CNTN5: variants seen among roughly 807,000 people sequenced by gnomAD.
CNTN5 encodes the protein contactin 5.
Under a neutral mutation model 129.1 loss-of-function variants are expected in CNTN5, and 77 were observed. The observed-to-expected ratio is 0.60, with a 90% CI of 0.50 to 0.72. The LOEUF (loss-of-function observed/expected upper bound fraction) is 0.72, where lower values mean the gene tolerates loss of function less well. Ranked by LOEUF, CNTN5 falls within the 30% of genes least tolerant of loss-of-function variation. The probability of loss-of-function intolerance (pLI) is 0.00; values close to 1 mark genes in which losing one functional copy is unlikely to be tolerated. For missense variants in CNTN5, 1,478 were observed against 1,328.8 expected, an observed-to-expected ratio of 1.11 and a Z score of -1.75; for synonymous variants, 509 against 465.6, an observed-to-expected ratio of 1.09 and a Z score of -1.20.
chr11:99,930,811 A>ACG, intron 7 of CNTN5, among the ~76,000 whole-genome samples: 1 of 151,812 alleles, frequency 6.6e-6, no homozygotes, highest in Admixed American at 6.6e-5. Context: ...ACACACACAC[A>ACG]CACACACATT....
intron 1 of CNTN5, among the ~76,000 whole-genome samples, chr11:99,193,283 G>A (rs1324620131): frequency 6.6e-6 from 1 of 151,964 alleles, no homozygotes; most frequent in Non-Finnish European, 1.5e-5. Context: ...GAAAGAAAAA[G>A]CCACAGCAAC....
At chr11:99,039,073 T>C (rs1863877400) in intron 1 of CNTN5, among the ~76,000 whole-genome samples, 1 of 152,118 alleles carries the variant, frequency 6.6e-6, no homozygotes, top group Non-Finnish European at 1.5e-5. Flanking sequence ...AAAAGACTTG[T>C]TTTCAAATTA....
intron 3 of CNTN5, among the ~76,000 whole-genome samples, chr11:99,784,796 T>TC (rs1555110510): frequency 6.2e-5 from 2 of 32,054 alleles, no homozygotes; most frequent in African/African-American, 1.5e-4. Context: ...TCTCATTGTG[T>TC]TTTTTTTTTT....
chr11:99,607,843 C>T (rs1291616518), intron 3 of CNTN5, among the ~76,000 whole-genome samples: 9 of 129,912 alleles, frequency 6.9e-5, no homozygotes, highest in African/African-American at 2.0e-4. Context: ...AGTAAACTAT[C>T]GCAAGAACAA....
At chr11:99,521,517 T>A (rs1416914881) in intron 2 of CNTN5, among the ~76,000 whole-genome samples, 2 of 152,206 alleles carry the variant, frequency 1.3e-5, no homozygotes, top group African/African-American at 2.4e-5. Flanking sequence ...TTGCATTCAC[T>A]AGGTACAAAT....
At chr11:99,225,126 C>T (rs776077245) in intron 1 of CNTN5, among the ~76,000 whole-genome samples, 6 of 151,820 alleles carry the variant, frequency 4.0e-5, no homozygotes, top group African/African-American at 9.7e-5. Flanking sequence ...TTAAAGAGAA[C>T]GAGCACAAAT....
At chr11:99,823,078 C>T (rs191534684) in intron 4 of CNTN5, among the ~76,000 whole-genome samples, 4 of 152,166 alleles carry the variant, frequency 2.6e-5, no homozygotes, top group African/African-American at 2.4e-5. Context: ...TGAGTTTACA[C>T]GTGTATCCGT....
At chr11:99,360,505 G>A (rs1444305001) in intron 2 of CNTN5, among the ~76,000 whole-genome samples, 1 of 152,156 alleles carries the variant, frequency 6.6e-6, no homozygotes, top group African/African-American at 2.4e-5. Context: ...CAGTGGAGAT[G>A]GCACCACACA....
At chr11:99,858,816 G>A (rs997510135) in intron 6 of CNTN5, among the ~76,000 whole-genome samples, 2 of 151,588 alleles carry the variant, frequency 1.3e-5, no homozygotes, top group Non-Finnish European at 2.9e-5. Flanking sequence ...AAAAATGTCA[G>A]ACATTTAGAT....
chr11:99,764,077 G>T (rs1944674230), intron 3 of CNTN5, among the ~76,000 whole-genome samples: 1 of 151,986 alleles, frequency 6.6e-6, no homozygotes, highest in Non-Finnish European at 1.5e-5. Context: ...CATTTCTGTT[G>T]TAAAAATTTA....
At chr11:100,259,272 A>G in intron 17 of CNTN5, among the ~76,000 whole-genome samples, 1 of 152,312 alleles carries the variant, frequency 6.6e-6, no homozygotes, top group South Asian at 2.1e-4. Flanking sequence ...TGCACCCAAT[A>G]CAGGAGCACC....
intron 2 of CNTN5, among the ~76,000 whole-genome samples, chr11:99,532,713 T>C (rs1008040337): frequency 3.9e-5 from 6 of 152,140 alleles, no homozygotes; most frequent in Admixed American, 2.0e-4. Flanking sequence ...TCTTCCTCAT[T>C]CTCTCTTGCT....
chr11:99,042,261 C>CT (rs1864013686), intron 1 of CNTN5, among the ~76,000 whole-genome samples: 1 of 151,400 alleles, frequency 6.6e-6, no homozygotes. Context: ...GCAGAAATAC[C>CT]TAACGTAGAT....
intron 13 of CNTN5, among the ~76,000 whole-genome samples, chr11:100,080,730 G>A (rs891721602): frequency 5.3e-5 from 8 of 152,110 alleles, no homozygotes; most frequent in East Asian, 3.9e-4. Context: ...TATTAAGAAC[G>A]TAAAACAATA....
intron 1 of CNTN5, among the ~76,000 whole-genome samples, chr11:99,151,350 T>C (rs1474411861): frequency 6.6e-6 from 1 of 152,158 alleles, no homozygotes; most frequent in Non-Finnish European, 1.5e-5. Flanking sequence ...AGAGGATTAT[T>C]CTTTAAATCA....
intron 1 of CNTN5, among the ~76,000 whole-genome samples, chr11:99,157,717 G>T (rs1168695633): frequency 6.6e-6 from 1 of 152,096 alleles, no homozygotes; most frequent in Non-Finnish European, 1.5e-5. Flanking sequence ...TTCTCAGTAT[G>T]ATTAGCTTGA....
intron 3 of CNTN5, among the ~76,000 whole-genome samples, chr11:99,809,815 ACT>A (rs1180081709): frequency 6.6e-6 from 1 of 152,206 alleles, no homozygotes; most frequent in African/African-American, 2.4e-5. Context: ...GTTATAAAAT[ACT>A]GTCTGATCTA....
intron 2 of CNTN5, among the ~76,000 whole-genome samples, chr11:99,327,983 G>A (rs963386440): frequency 6.6e-6 from 1 of 152,096 alleles, no homozygotes; most frequent in African/African-American, 2.4e-5. Context: ...GCATTGCCAG[G>A]ATTCTCATCA....
At chr11:99,863,557 T>G (rs1414808686) in intron 6 of CNTN5, among the ~76,000 whole-genome samples, 1 of 152,104 alleles carries the variant, frequency 6.6e-6, no homozygotes, top group Non-Finnish European at 1.5e-5. Context: ...AGTAATGTCA[T>G]TTACCTGGGT....
Sources: gnomAD v4.1 joint callset for allele counts (sites outside exome capture counted in the v4.1 genomes callset) on GRCh38, gnomAD v4.1.1 for gene constraint, MANE v1.5 for transcripts, NCBI Gene and HGNC (gene_info 2026-07-23, HGNC 2026-07-21) for gene names.